Variants in ZNF638 observed in about 807,000 individuals in gnomAD.
The protein encoded by ZNF638 is zinc finger protein 638.
ZNF638 carries 46 observed loss-of-function variants against 195.6 expected under a neutral mutation model. The observed-to-expected ratio is 0.24, with a 90% CI of 0.19 to 0.30. The LOEUF is 0.30. Ranked by LOEUF, ZNF638 falls within the 10% of genes least tolerant of loss-of-function variation. The pLI, the probability that ZNF638 is intolerant of heterozygous loss-of-function variation, is 1.00. For missense variants in ZNF638, 2,440 were observed against 2,325.3 expected, an observed-to-expected ratio of 1.05 and a Z score of -1.01; for synonymous variants, 845 against 772.0, an observed-to-expected ratio of 1.09 and a Z score of -1.57.
chr2:71,424,826 C>A, intron 23 of ZNF638, 111 bp downstream of exon 23: 2 of 800,032 alleles, frequency 2.5e-6, no homozygotes, highest in Non-Finnish European at 4.0e-6. Context: ...GAGTTTAGAG[C>A]AAGGGATAGG....
At chr2:71,359,571 A>G (rs1465401733) in intron 3 of ZNF638, among the ~76,000 whole-genome samples, 1 of 152,246 alleles carries the variant, frequency 6.6e-6, no homozygotes, top group Non-Finnish European at 1.5e-5. Context: ...CAGACATGCC[A>G]AGAAACAATG....
At chr2:71,341,450 A>T (rs1195436682) in intron 1 of ZNF638, among the ~76,000 whole-genome samples, 1 of 152,158 alleles carries the variant, frequency 6.6e-6, no homozygotes, top group African/African-American at 2.4e-5. Context: ...ACAGTGTTTA[A>T]TATACCCCAC....
chr2:71,400,532 TTTTA>T lies in ZNF638; in HGVS notation c.2697+22_2697+25del. ...CCACTTAACAAGGTCAGTTTTCATG[TTTTA>T]TTTATTTCTTTAAAGCTCAAGACAT... On this transcript the variant is annotated intron_variant, in intron 15 of 27. Coordinates refer to ENST00000264447, the MANE Select transcript of ZNF638 (RefSeq NM_014497.5). 6.3e-7 allele frequency: 1 copy of T among 1,591,356 alleles called. No individual in the cohort carries two copies. The highest frequency in any genetic ancestry group is 8.5e-7 in the Non-Finnish European group (1 of 1,170,136).
At chr2:71,387,300 A>G (rs568802230) in intron 10 of ZNF638, among the ~76,000 whole-genome samples, 1 of 152,360 alleles carries the variant, frequency 6.6e-6, no homozygotes, top group African/African-American at 2.4e-5. Flanking sequence ...GTAAATTTGT[A>G]TGATAATATT....
At chr2:71,356,674 T>C (rs529887899) in intron 3 of ZNF638, among the ~76,000 whole-genome samples, 9 of 151,936 alleles carry the variant, frequency 5.9e-5, no homozygotes, top group African/African-American at 1.7e-4. Context: ...TCTGTAGTTA[T>C]AATATTTGGG....
chr2:71,408,005 G>A, intron 19 of ZNF638, 117 bp from the exon 20 acceptor site: 1 of 899,698 alleles, frequency 1.1e-6, no homozygotes, highest in Non-Finnish European at 1.6e-6. Context: ...ACATGTTTAA[G>A]TATCGGCTTT....
rs1166756174 is a variant in ZNF638, at chr2:71,350,256, A to G, written c.1302A>G (p.Glu434=). The change falls in exon 2 of 28, where the codon GAA becomes GAG. Residue 434 remains glutamate (E), a synonymous_variant. Transcript: ENST00000264447. ...FPHLCSLCNV[E]CSHLKDWIQH... ...ATTTGTGTTCTCTGTGTAACGTAGA[A>G]TGTAGTCATTTGAAGGTGAGTGTTT... The G allele has an allele frequency of 6.2e-7, 1 of 1,600,370 alleles. No individual in the cohort carries two copies. Among genetic ancestry groups the G allele is most frequent in the Non-Finnish European group, 8.5e-7 (1 of 1,179,132 alleles).
intron 8 of ZNF638, among the ~76,000 whole-genome samples, chr2:71,376,609 G>A (rs933041581): frequency 1.3e-5 from 2 of 152,024 alleles, no homozygotes; most frequent in Non-Finnish European, 2.9e-5. Flanking sequence ...AAACTTACCC[G>A]CCCAACATTT....
At chr2:71,361,857 GA>G (rs2079115421) in intron 3 of ZNF638, among the ~76,000 whole-genome samples, 2 of 152,148 alleles carry the variant, frequency 1.3e-5, no homozygotes, top group Admixed American at 1.3e-4. Context: ...AGGGAAAAGG[GA>G]ATTGAGAATT....
At chr2:71,373,188 T>C (rs1265707140) in intron 8 of ZNF638, among the ~76,000 whole-genome samples, 2 of 152,196 alleles carry the variant, frequency 1.3e-5, no homozygotes, top group East Asian at 1.9e-4. Flanking sequence ...GAAAATGATA[T>C]CTAGTTTTAA....
At chr2:71,356,034 G>A (rs2079017300) in intron 3 of ZNF638, among the ~76,000 whole-genome samples, 2 of 152,062 alleles carry the variant, frequency 1.3e-5, no homozygotes, top group African/African-American at 4.8e-5. Flanking sequence ...TTCATTCTTT[G>A]CTGGCTTACC....
chr2:71,344,633 T>A (rs1393633424), intron 1 of ZNF638, among the ~76,000 whole-genome samples: 1 of 152,204 alleles, frequency 6.6e-6, no homozygotes, highest in African/African-American at 2.4e-5. Flanking sequence ...TACTTAACAT[T>A]TAAAAAACTG....
chr2:71,349,592 A>G lies in ZNF638; in HGVS notation c.638A>G (p.His213Arg). ...TCAAGTAATGTGATCGATTATGGGC[A>G]TGCAAGCAAATATGGCTACACAGAA... ...AVSSNVIDYG[H>R]ASKYGYTEDP... The change falls in exon 2 of 28, where the codon CAT becomes CGT. Residue 213 changes from histidine to arginine, a missense_variant. His to Arg is a conservative substitution (Grantham distance 29). This residue lies in a region of ZNF638 where 305 missense variants were observed against 283.6 expected (regional missense o/e 1.08). Transcript: ENST00000264447. The G allele has an allele frequency of 6.2e-7, 1 of 1,614,228 alleles. No individual in the cohort carries two copies. Among genetic ancestry groups the G allele is most frequent in the Non-Finnish European group, 8.5e-7 (1 of 1,180,038 alleles).
chr2:71,393,773 C>A, intron 10 of ZNF638: 1 of 621,912 alleles, frequency 1.6e-6, no homozygotes, highest in East Asian at 2.7e-5. Context: ...GCAGGCACCC[C>A]CTTCCCAGCC....
chr2:71,378,556 T>C (rs1347131141), intron 8 of ZNF638, among the ~76,000 whole-genome samples: 9 of 152,204 alleles, frequency 5.9e-5, no homozygotes, highest in Non-Finnish European at 1.5e-5. Flanking sequence ...ACAAAGTCTC[T>C]GGTATCACAG....
chr2:71,427,994 C>T (rs2080574142), intron 24 of ZNF638, among the ~76,000 whole-genome samples: 2 of 152,000 alleles, frequency 1.3e-5, no homozygotes. Flanking sequence ...GAGTGCGACA[C>T]CAGTCTGGGC....
At chr2:71,344,447 C>G (rs2078818182) in intron 1 of ZNF638, among the ~76,000 whole-genome samples, 1 of 152,130 alleles carries the variant, frequency 6.6e-6, no homozygotes, top group Non-Finnish European at 1.5e-5. Context: ...TTTGGTTACC[C>G]TAATTTCATG....
chr2:71,347,743 C>T (rs2078874803), intron 1 of ZNF638, among the ~76,000 whole-genome samples: 1 of 152,184 alleles, frequency 6.6e-6, no homozygotes, highest in Non-Finnish European at 1.5e-5. Flanking sequence ...GGGGGTAGTA[C>T]AGTCTGATGG....
At chr2:71,367,772 T>A (rs1418881388) in intron 6 of ZNF638, among the ~76,000 whole-genome samples, 3 of 150,414 alleles carry the variant, frequency 2.0e-5, no homozygotes, top group Non-Finnish European at 4.4e-5. Flanking sequence ...AGTCTTAGTA[T>A]GTTGCCCATC....
Sources: allele counts gnomAD v4.1 joint callset (sites outside exome capture counted in the v4.1 genomes callset), GRCh38; gene constraint gnomAD v4.1.1; regional missense constraint gnomAD v4.1.1; transcripts MANE v1.5; gene names NCBI Gene and HGNC (gene_info 2026-07-23, HGNC 2026-07-21).